Variants in NCKAP5 observed in about 807,000 individuals in gnomAD.
NCKAP5 encodes nck-associated protein 5.
A neutral mutation model predicts 167.0 loss-of-function variants in NCKAP5; 92 were observed. The ratio of observed to expected loss-of-function variants is 0.55; its 90% CI spans 0.47 to 0.66. The LOEUF (loss-of-function observed/expected upper bound fraction) is 0.66. Among genes scored for constraint, NCKAP5 ranks in the 30% least tolerant of loss-of-function variants. The pLI is 0.00. For missense variants in NCKAP5, 2,378 were observed against 2,315.0 expected, an observed-to-expected ratio of 1.03 and a Z score of -0.56; for synonymous variants, 891 against 877.4, an observed-to-expected ratio of 1.02 and a Z score of -0.27.
intron 6 of NCKAP5, among the ~76,000 whole-genome samples, chr2:133,115,430 T>C (rs2082040411): frequency 6.6e-6 from 1 of 152,126 alleles, no homozygotes; most frequent in East Asian, 1.9e-4. Flanking sequence ...CTTCAAATGA[T>C]TGTTCACTCT....
intron 4 of NCKAP5, among the ~76,000 whole-genome samples, chr2:133,247,734 C>T (rs529906150): frequency 2.0e-5 from 3 of 152,302 alleles, no homozygotes; most frequent in Admixed American, 6.5e-5. Flanking sequence ...TGAAATCTCT[C>T]AAGTGTACAC....
intron 2 of NCKAP5, chr2:133,554,479 T>A (rs1179438107): frequency 6.6e-6 from 1 of 152,192 alleles, no homozygotes; most frequent in African/African-American, 2.4e-5. Context: ...ACATGTCAAT[T>A]TGGCTCTGAG....
At chr2:132,788,562 G>C (rs145940589) in intron 13 of NCKAP5, among the ~76,000 whole-genome samples, 3 of 152,210 alleles carry the variant, frequency 2.0e-5, no homozygotes, top group African/African-American at 7.2e-5. Context: ...GGGGAGAATA[G>C]GAGAGCCTAC....
chr2:133,064,400 T>C (rs2149526939), intron 6 of NCKAP5, among the ~76,000 whole-genome samples: 1 of 151,900 alleles, frequency 6.6e-6, no homozygotes, highest in Non-Finnish European at 1.5e-5. Flanking sequence ...CTGCTAACAA[T>C]ACAAAAATCA....
the NCKAP5 span, among the ~76,000 whole-genome samples, chr2:133,581,862 G>T: frequency 6.6e-6 from 1 of 152,282 alleles, no homozygotes; most frequent in South Asian, 2.1e-4. Context: ...CATTTCTAAC[G>T]TTAGCTAGAA....
chr2:133,247,372 CTA>C (rs1243219929), intron 4 of NCKAP5, among the ~76,000 whole-genome samples: 2 of 152,246 alleles, frequency 1.3e-5, no homozygotes, highest in South Asian at 2.1e-4. Context: ...TGATTTTATT[CTA>C]TGTTAATTTC....
At chr2:132,853,657 C>A (rs780595943) in intron 11 of NCKAP5, among the ~76,000 whole-genome samples, 2 of 152,086 alleles carry the variant, frequency 1.3e-5, no homozygotes, top group African/African-American at 4.8e-5. Context: ...GAGATAAAAA[C>A]CCATGAAACA....
At chr2:133,226,247 G>C (rs552982494) in intron 4 of NCKAP5, among the ~76,000 whole-genome samples, 1 of 152,052 alleles carries the variant, frequency 6.6e-6, no homozygotes, top group Non-Finnish European at 1.5e-5. Flanking sequence ...GGCCCAAAAA[G>C]GTGGTTTTTA....
chr2:132,747,452 T>C (rs1679748128), intron 16 of NCKAP5, among the ~76,000 whole-genome samples: 1 of 150,044 alleles, frequency 6.7e-6, no homozygotes, highest in East Asian at 2.0e-4. Context: ...ATCTTCATTT[T>C]ATGGGGGAGG....
chr2:133,007,223 C>T (rs1461061750), intron 6 of NCKAP5, among the ~76,000 whole-genome samples: 2 of 152,128 alleles, frequency 1.3e-5, no homozygotes, highest in Admixed American at 6.5e-5. Context: ...GTCCTACTTA[C>T]TTCAGAGAGA....
chr2:133,523,293 C>T (rs61578634), intron 2 of NCKAP5, among the ~76,000 whole-genome samples: 15,550 of 150,112 alleles, frequency 0.1, 1,334 homozygotes, highest in African/African-American at 0.24. Context: ...CCCTCACATA[C>T]ACACAGTCAC....
At chr2:132,691,270 A>G (rs751302978) in intron 19 of NCKAP5, among the ~76,000 whole-genome samples, 2 of 152,108 alleles carry the variant, frequency 1.3e-5, no homozygotes, top group Non-Finnish European at 2.9e-5. Context: ...ACAAAAGCCA[A>G]GGCATCCCTT....
intron 8 of NCKAP5, among the ~76,000 whole-genome samples, chr2:132,936,653 A>T (rs187134635): frequency 6.6e-6 from 1 of 152,220 alleles, no homozygotes; most frequent in African/African-American, 2.4e-5. Context: ...TAACCAAAAG[A>T]AACTGTTATC....
At chr2:132,690,811 T>G (rs1424701431) in intron 19 of NCKAP5, among the ~76,000 whole-genome samples, 1 of 152,154 alleles carries the variant, frequency 6.6e-6, no homozygotes, top group Non-Finnish European at 1.5e-5. Context: ...CCCTTCTCTG[T>G]GTCCTGTGCT....
chr2:132,926,573 T>C (rs141226618), intron 8 of NCKAP5, among the ~76,000 whole-genome samples: 24 of 152,362 alleles, frequency 1.6e-4, no homozygotes, highest in African/African-American at 5.5e-4. Flanking sequence ...AATAGTCATC[T>C]GATGAATATA....
At chr2:132,913,851 C>G (rs1243722329) in intron 8 of NCKAP5, among the ~76,000 whole-genome samples, 1 of 152,172 alleles carries the variant, frequency 6.6e-6, no homozygotes, top group Non-Finnish European at 1.5e-5. Flanking sequence ...TTTCCATTCT[C>G]TCTATCCTCT....
intron 5 of NCKAP5, among the ~76,000 whole-genome samples, chr2:133,204,728 C>A (rs2085866735): frequency 6.6e-6 from 1 of 152,182 alleles, no homozygotes. Context: ...CTCCCACTGA[C>A]AATGTAGAAT....
intron 2 of NCKAP5, among the ~76,000 whole-genome samples, chr2:133,537,672 G>T (rs1050868896): frequency 6.6e-6 from 1 of 151,622 alleles, no homozygotes; most frequent in African/African-American, 2.4e-5. Flanking sequence ...TAACTTTTTT[G>T]TTCTTTGCTT....
chr2:132,815,299 T>G (rs1686177980), intron 11 of NCKAP5, among the ~76,000 whole-genome samples: 1 of 152,184 alleles, frequency 6.6e-6, no homozygotes, highest in African/African-American at 2.4e-5. Context: ...TACAAAGAAA[T>G]GAGCATTATA....
Sources: gnomAD v4.1 joint callset for allele counts (sites outside exome capture counted in the v4.1 genomes callset) on GRCh38, gnomAD v4.1.1 for gene constraint, MANE v1.5 for transcripts, NCBI Gene and HGNC (gene_info 2026-07-23, HGNC 2026-07-21) for gene names.